GRHL1: variants seen among roughly 807,000 people sequenced by gnomAD.
The protein encoded by GRHL1 is grainyhead-like protein 1 homolog.
In GRHL1, 38 loss-of-function variants were observed where a neutral mutation model predicts 75.7. That is an observed-to-expected ratio of 0.50 (90% confidence interval 0.39 to 0.66). The LOEUF is 0.66. GRHL1 is among the 30% of genes least tolerant of loss of function. The probability of loss-of-function intolerance (pLI) is 0.00; values close to 1 mark genes in which losing one functional copy is unlikely to be tolerated. For missense variants in GRHL1, 589 were observed against 767.5 expected (o/e 0.77, Z 2.75); for synonymous variants, 266 against 279.4 (o/e 0.95, Z 0.48).
In GRHL1 at chr2:9,998,447, TGTATATATATAC is replaced by T. The variant is rs1558319441; in HGVS notation, c.1678-517_1678-506del. Among the ~76,000 whole-genome samples the T allele has an allele frequency of 1.4e-3, 73 of 50,932 alleles. 1 individual carries two copies. The highest frequency in any genetic ancestry group is 3.4e-3 in the African/African-American group (46 of 13,388). The allele number at this position is 50,932 out of a possible 152,430, so 33.4% of individuals were successfully genotyped here. A position where few individuals can be genotyped will look rare whatever the true frequency, so the allele number is the denominator to read the frequency against. On this transcript the variant is annotated intron_variant, in intron 14 of 15. Coordinates refer to ENST00000324907, the MANE Select transcript of GRHL1 (RefSeq NM_198182.3). ...GCATGTGTGTGTGTGTGTGTGTGTG[TGTATATATATAC>T]ATATATATACGTATATATATACATA...
chr2:9,965,357 A>G lies in GRHL1; in HGVS notation c.1086A>G (p.Thr362=), dbSNP rs115772224. Residue 362 remains threonine (T), a synonymous_variant, in exon 8 of 16, where the codon ACA becomes ACG. Transcript: ENST00000324907. ...EEIAYNAISF[T]WDINDEAKVF... ...TTGCGTATAACGCCATTTCCTTCAC[A>G]TGGGACATCAACGATGAAGCAAAGG... 9 of 1,608,622 alleles carry G rather than the reference A, an allele frequency of 5.6e-6. No individual in the cohort carries two copies. Among genetic ancestry groups the G allele is most frequent in the South Asian group, 4.4e-5 (4 of 90,980 alleles).
rs1349639381 is a variant in GRHL1, at chr2:9,955,078, G to A, written c.184G>A (p.Gly62Ser). 2 of 1,613,148 alleles carry A rather than the reference G, an allele frequency of 1.2e-6. No individual in the cohort carries two copies. Among genetic ancestry groups the A allele is most frequent in the Non-Finnish European group, 1.7e-6 (2 of 1,179,298 alleles). The change falls in exon 2 of 16, where the codon GGC becomes AGC. Residue 62 changes from glycine (G) to serine (S), a missense_variant. Physicochemically the swap from Gly to Ser is moderately conservative, Grantham distance 56. Coordinates refer to ENST00000324907, the MANE Select transcript of GRHL1 (RefSeq NM_198182.3). ...NGDEDSAAAL[G>S]LLYDYYKVPR... ...AGATGAAGACAGCGCCGCTGCGCTGGGCCTGCTCTATGACTACTACAAGGT... is the reference window on the plus strand; with the variant it reads ...AGATGAAGACAGCGCCGCTGCGCTGAGCCTGCTCTATGACTACTACAAGGT...
At position 9,982,460 on chromosome 2, in the gene GRHL1, G is replaced by C. The variant is rs189627880; in HGVS notation, c.1111-3664G>C. Among the ~76,000 whole-genome samples, 517 of 152,324 alleles carry C rather than the reference G, an allele frequency of 3.4e-3. 3 individuals are homozygous for C. Among genetic ancestry groups the C allele is most frequent in the Non-Finnish European group, 3.4e-3 (233 of 68,028 alleles). On this transcript the variant is annotated intron_variant, in intron 8 of 15. Coordinates refer to ENST00000324907, the MANE Select transcript of GRHL1 (RefSeq NM_198182.3). ...GGACAATGAAATCAGAATCTCTGGGGTGTAGCCAGGACATCTGACATCCGT... is the reference window on the plus strand; with the variant it reads ...GGACAATGAAATCAGAATCTCTGGGCTGTAGCCAGGACATCTGACATCCGT...
chr2:9,993,947 A>G (rs1668749408), intron 12 of GRHL1, among the ~76,000 whole-genome samples: 2 of 152,026 alleles, frequency 1.3e-5, no homozygotes, highest in Non-Finnish European at 1.5e-5. Flanking sequence ...TTCCTGTTTT[A>G]TTCAATAAGC....
chr2:9,990,878 C>G lies in GRHL1; in HGVS notation c.1321+131C>G, dbSNP rs984696873. On this transcript the variant is annotated intron_variant, in intron 10 of 15. Coordinates refer to ENST00000324907, the MANE Select transcript of GRHL1 (RefSeq NM_198182.3). The surrounding 1 kb of genome is among the most constrained non-coding windows in gnomAD (Gnocchi z 4.2). Reference sequence around the variant, plus strand: ...GAAGACAGTGGGTGTTCTTCCTGTTCTGCAGTGTGGCACTGCCTCTTCCTC... The same window carrying G: ...GAAGACAGTGGGTGTTCTTCCTGTTGTGCAGTGTGGCACTGCCTCTTCCTC... 6.5e-5 allele frequency: 44 copies of G among 676,516 alleles called. No homozygotes were observed. Among genetic ancestry groups the G allele is most frequent in the Non-Finnish European group, 8.0e-5 (31 of 388,442 alleles). 41.9% of individuals were successfully genotyped at this position (676,516 alleles called of 1,614,324 possible).
intron 8 of GRHL1, among the ~76,000 whole-genome samples, chr2:9,983,849 C>A (rs1274782214): frequency 1.3e-5 from 2 of 148,816 alleles, no homozygotes; most frequent in Non-Finnish European, 3.0e-5. Context: ...AGAGATTGTA[C>A]TTGAAGTGTT....
chr2:9,976,064 T>C (rs1667935997), intron 8 of GRHL1, among the ~76,000 whole-genome samples: 1 of 151,998 alleles, frequency 6.6e-6, no homozygotes, highest in Non-Finnish European at 1.5e-5. Context: ...CACAGCAGCA[T>C]GTAGTTTTAT....
intron 4 of GRHL1, 22 bp from the exon 5 acceptor site, chr2:9,962,433 G>T: frequency 7.0e-7 from 1 of 1,434,214 alleles, no homozygotes; most frequent in Non-Finnish European, 9.8e-7. Flanking sequence ...AATAGTTGTG[G>T]CTTATCACAT....
At chr2:9,959,885 C>T (rs184687362) in intron 3 of GRHL1, 3 of 152,156 alleles carry the variant, frequency 2.0e-5, no homozygotes, top group Non-Finnish European at 2.9e-5. Flanking sequence ...AGACTTTTTC[C>T]GTTTTAGGAT....
At position 9,998,980 on chromosome 2, in the gene GRHL1, G is replaced by C; in HGVS notation, c.1693G>C (p.Asp565His). The change falls in exon 15 of 16, where the codon GAT (aspartate) becomes CAT (histidine). Residue 565 changes from aspartate to histidine, a missense_variant. Asp to His is a moderately conservative substitution (Grantham distance 81). Transcript: ENST00000324907. Reference protein sequence around the residue: ...GLMEAISDKYDVPHDKIGKIF... With the variant: ...GLMEAISDKYHVPHDKIGKIF... ...CCTCTTTTAGATCTCAGACAAATACGATGTTCCCCATGACAAGATTGGGAA... is the reference window on the plus strand; with the variant it reads ...CCTCTTTTAGATCTCAGACAAATACCATGTTCCCCATGACAAGATTGGGAA... 1 of 1,568,730 alleles carries C rather than the reference G, an allele frequency of 6.4e-7. No individual in the cohort carries two copies. The highest frequency in any genetic ancestry group is 8.7e-7 in the Non-Finnish European group (1 of 1,152,320).
chr2:9,996,003 TA>T, intron 13 of GRHL1, 33 bp downstream of exon 13: 1 of 1,281,464 alleles, frequency 7.8e-7, no homozygotes, highest in African/African-American at 1.5e-5. Flanking sequence ...GTGGGAGTTT[TA>T]AATCAGAAGT....
intron 8 of GRHL1, among the ~76,000 whole-genome samples, chr2:9,971,385 G>C (rs1484516496): frequency 1.3e-5 from 2 of 152,172 alleles, no homozygotes; most frequent in East Asian, 1.9e-4. Flanking sequence ...GTAGGCAGGA[G>C]ATTTAAAACT....
intron 4 of GRHL1, 144 bp downstream of exon 4, chr2:9,961,580 C>T (rs1435850909): frequency 2.9e-6 from 2 of 684,148 alleles, no homozygotes; most frequent in Non-Finnish European, 4.8e-6. Flanking sequence ...GAGAAAAGGC[C>T]CATGGGTATA....
At chr2:9,995,211 T>C (rs527706073) in intron 12 of GRHL1, 2 of 152,362 alleles carry the variant, frequency 1.3e-5, no homozygotes, top group East Asian at 3.9e-4. Flanking sequence ...TCACACTTCC[T>C]CAGTGTTTTG....
Position 9,953,683 on chromosome 2 carries a change from A to G in GRHL1, c.21-1232A>G, listed in dbSNP as rs1666897259. Among the ~76,000 whole-genome samples the G allele has an allele frequency of 3.9e-5, 6 of 152,206 alleles. No individual in the cohort carries two copies. In the South Asian group the frequency reaches 1.2e-3, roughly 32 times the overall value. ...GATGTTCTCCTTTTTCTAAATCTGT[A>G]TCTGTTCTTAAAGGCCCTGGGTGAC... On this transcript the variant is annotated intron_variant, in intron 1 of 15. Transcript: ENST00000324907.
chr2:9,998,879 CATATATATACATAT>C (rs1669131473), intron 14 of GRHL1, 72 bp from the exon 15 acceptor site: 1 of 204,246 alleles, frequency 4.9e-6, no homozygotes, highest in Non-Finnish European at 8.1e-6. Flanking sequence ...TATATGTACA[CATATATATACATAT>C]ATATATATTT....
In GRHL1 at chr2:9,962,443, T is replaced by C. The variant is rs751910043; in HGVS notation, c.670-12T>C. ...AGTTAAATAGTTGTGGCTTATCACA[T>C]TGATATTTCAGGTTTTCTTCCCCTC... is the stretch of plus-strand genomic sequence containing the variant. On this transcript the variant is annotated splice_polypyrimidine_tract_variant and intron_variant, in intron 4 of 15. Transcript: ENST00000324907. The C allele has an allele frequency of 6.6e-7, 1 of 1,514,080 alleles. No individual in the cohort carries two copies. The highest frequency in any genetic ancestry group is 1.7e-5 in the Admixed American group (1 of 59,920). The allele number at this position is 1,514,080 out of a possible 1,614,324, so 93.8% of individuals were successfully genotyped here.
At chr2:9,954,826 A>G (rs1308061667) in intron 1 of GRHL1, 89 bp from the exon 2 acceptor site, 3 of 1,091,954 alleles carry the variant, frequency 2.7e-6, no homozygotes, top group Non-Finnish European at 1.4e-6. Flanking sequence ...ACAATAGGCT[A>G]TTTTATAGGA....
chr2:9,960,879 C>T (rs1014652211), intron 3 of GRHL1, 167 bp from the exon 4 acceptor site: 98 of 548,330 alleles, frequency 1.8e-4, no homozygotes, highest in Non-Finnish European at 2.9e-4. Flanking sequence ...GACCGATAAC[C>T]AGAAAGCCTT....
Sources: allele counts gnomAD v4.1 joint callset (sites outside exome capture counted in the v4.1 genomes callset), GRCh38; gene constraint gnomAD v4.1.1; non-coding constraint Gnocchi (gnomAD v3.1); transcripts MANE v1.5; gene names NCBI Gene and HGNC (gene_info 2026-07-23, HGNC 2026-07-21).